The following UNC13B variants were observed in gnomAD, a reference collection of about 807,000 sequenced individuals.
UNC13B encodes the protein protein unc-13 homolog B.
Under a neutral mutation model 211.0 loss-of-function variants are expected in UNC13B, and 144 were observed. The ratio of observed to expected loss-of-function variants is 0.68; its 90% CI spans 0.60 to 0.78. The LOEUF (loss-of-function observed/expected upper bound fraction) is 0.78. UNC13B is among the 30% of genes least tolerant of loss of function. UNC13B has a pLI of 0.00. For missense variants in UNC13B, 1,777 were observed against 2,002.0 expected (o/e 0.89, Z 2.14); for synonymous variants, 709 against 725.8 (o/e 0.98, Z 0.37).
chr9:35,199,798 C>G (rs529364625), intron 1 of UNC13B, among the ~76,000 whole-genome samples: 104 of 152,148 alleles, frequency 6.8e-4, no homozygotes, highest in Middle Eastern at 3.4e-3. Flanking sequence ...GTTGCCTGTT[C>G]ACTCTGATGG....
intron 5 of UNC13B, 46 bp from the exon 6 acceptor site, chr9:35,243,245 C>T (rs1274928098): frequency 1.3e-6 from 2 of 1,574,328 alleles, no homozygotes; most frequent in Non-Finnish European, 1.7e-6. Flanking sequence ...TGATTTATTA[C>T]CTGCTGATGT....
chr9:35,381,343 A>G, intron 19 of UNC13B, 128 bp downstream of exon 19: 1 of 992,324 alleles, frequency 1.0e-6, no homozygotes. Context: ...TCACTCTGTT[A>G]CCCTGGAGAG....
At chr9:35,368,683 A>G (rs1320884085) in intron 12 of UNC13B, among the ~76,000 whole-genome samples, 3 of 150,650 alleles carry the variant, frequency 2.0e-5, no homozygotes, top group Non-Finnish European at 4.4e-5. Flanking sequence ...CCAACAGTGT[A>G]TAAGTGTTCT....
chr9:35,177,489 T>C (rs1587298241), intron 1 of UNC13B, among the ~76,000 whole-genome samples: 2 of 152,230 alleles, frequency 1.3e-5, no homozygotes, highest in Admixed American at 6.5e-5. Flanking sequence ...AATTTTAAAA[T>C]GGAAGTGTTA....
chr9:35,403,461 A>C lies in UNC13B; in HGVS notation c.12599A>C (p.Lys4200Thr). 1 of 1,613,864 alleles carries C rather than the reference A, an allele frequency of 6.2e-7. No individual in the cohort carries two copies. The highest frequency in any genetic ancestry group is 1.7e-5 in the Admixed American group (1 of 60,018). Residue 4200 changes from lysine to threonine, a missense_variant, in exon 39 of 40, where the codon AAG (lysine) becomes ACG (threonine). Lys to Thr is a moderately conservative substitution (Grantham distance 78, BLOSUM62 -1). Coordinates refer to ENST00000635942, the MANE Select transcript of UNC13B (RefSeq NM_001371189.2). The part of the protein sequence containing the change: ...TVKVVAANDL[K>T]WQTAGMFRPF... ...GCAGTGGTGGCTGCCAATGACCTCA[A>C]GTGGCAGACAGCGGGTATGTTCCGG... is the stretch of plus-strand genomic sequence containing the variant.
At chr9:35,286,389 T>C (rs962926100) in intron 7 of UNC13B, among the ~76,000 whole-genome samples, 2 of 151,904 alleles carry the variant, frequency 1.3e-5, no homozygotes, top group African/African-American at 2.4e-5. Context: ...CCTGCCACCA[T>C]GCTTGGCTAA....
chr9:35,343,210 C>G (rs1287016635), intron 11 of UNC13B, among the ~76,000 whole-genome samples: 2 of 152,210 alleles, frequency 1.3e-5, no homozygotes, highest in African/African-American at 4.8e-5. Flanking sequence ...ATAATCAGAA[C>G]AGTAACAACA....
chr9:35,165,689 T>C (rs1003916069), intron 1 of UNC13B, among the ~76,000 whole-genome samples: 1 of 152,134 alleles, frequency 6.6e-6, no homozygotes, highest in Admixed American at 6.5e-5. Context: ...AGTGCTGGGA[T>C]TACAGGCGTG....
Position 35,376,051 on chromosome 9 carries a change from C to G in UNC13B, c.9639C>G (p.Thr3213=). 6.2e-7 allele frequency: 1 copy of G among 1,614,128 alleles called. No individual in the cohort carries two copies. Among genetic ancestry groups the G allele is most frequent in the Non-Finnish European group, 8.5e-7 (1 of 1,180,024 alleles). ...AGAAATCCCACGTGTATAAGAAAAC[C>G]CTGCAGGCCTTAATCTACCCCATTT... is the stretch of plus-strand genomic sequence containing the variant. ...EELKSHVYKK[T]LQALIYPISC... The change falls in exon 15 of 40, where the codon ACC becomes ACG. Residue 3213 remains threonine (T), a synonymous_variant. Transcript: ENST00000635942.
chr9:35,224,388 G>A (rs1299818920), intron 1 of UNC13B, among the ~76,000 whole-genome samples: 1 of 152,066 alleles, frequency 6.6e-6, no homozygotes, highest in Non-Finnish European at 1.5e-5. Context: ...CCCAGGTATT[G>A]AATATTTTTT....
At chr9:35,299,830 T>C (rs1408887513) in intron 8 of UNC13B, among the ~76,000 whole-genome samples, 1 of 152,216 alleles carries the variant, frequency 6.6e-6, no homozygotes, top group Non-Finnish European at 1.5e-5. Flanking sequence ...TTCTTTGCTT[T>C]ATTGTTCCTC....
At chr9:35,384,594 G>T in intron 22 of UNC13B, 1 of 985,400 alleles carries the variant, frequency 1.0e-6, no homozygotes, top group Non-Finnish European at 1.2e-6. Context: ...TCTCATTAGG[G>T]AGTTTCCTGA....
intron 7 of UNC13B, among the ~76,000 whole-genome samples, chr9:35,274,956 C>T (rs1828089746): frequency 6.6e-6 from 1 of 152,088 alleles, no homozygotes; most frequent in African/African-American, 2.4e-5. Context: ...GTTCAGTGTC[C>T]TCTAGGTTAA....
At chr9:35,299,520 A>T (rs950455051) in intron 8 of UNC13B, among the ~76,000 whole-genome samples, 1 of 152,178 alleles carries the variant, frequency 6.6e-6, no homozygotes, top group Non-Finnish European at 1.5e-5. Context: ...TATTGGTACA[A>T]CATGTTTCAT....
chr9:35,360,828 C>T (rs1833364608), intron 11 of UNC13B: 1 of 152,156 alleles, frequency 6.6e-6, no homozygotes, highest in Admixed American at 6.5e-5. Flanking sequence ...CATATGCCAC[C>T]ACACCCAGCT....
intron 5 of UNC13B, among the ~76,000 whole-genome samples, chr9:35,240,292 T>C (rs866918682): frequency 1.3e-5 from 2 of 152,214 alleles, no homozygotes; most frequent in African/African-American, 2.4e-5. Flanking sequence ...TTATTTTAAT[T>C]TTTTACTGTT....
At chr9:35,348,222 G>A (rs1303517072) in intron 11 of UNC13B, among the ~76,000 whole-genome samples, 4 of 152,182 alleles carry the variant, frequency 2.6e-5, no homozygotes, top group African/African-American at 7.2e-5. Flanking sequence ...TAGTGTTCCC[G>A]ACAAACTGCC....
chr9:35,379,374 G>A lies in UNC13B; in HGVS notation c.10205+938G>A, dbSNP rs182023967. 4.6e-3 allele frequency among the ~76,000 whole-genome samples: 698 copies of A among 152,168 alleles called. 6 individuals carry two copies. Among genetic ancestry groups the A allele is most frequent in the Middle Eastern group, 0.044 (13 of 294 alleles). Reference sequence around the variant, plus strand: ...TGAGGGAAGAGAATCCCCTGAACCTGGGAGGCAGACGTTGCAGTGCACCAA... The same window carrying A: ...TGAGGGAAGAGAATCCCCTGAACCTAGGAGGCAGACGTTGCAGTGCACCAA... On this transcript the variant is annotated intron_variant, in intron 17 of 39. Coordinates refer to ENST00000635942, the MANE Select transcript of UNC13B (RefSeq NM_001371189.2).
chr9:35,286,331 C>A (rs1238037184), intron 7 of UNC13B, among the ~76,000 whole-genome samples: 2 of 148,966 alleles, frequency 1.3e-5, no homozygotes, highest in Non-Finnish European at 3.0e-5. Flanking sequence ...CTCCCAAGTT[C>A]AAGTGATTCT....
Sources: allele counts gnomAD v4.1 joint callset (sites outside exome capture counted in the v4.1 genomes callset), GRCh38; gene constraint gnomAD v4.1.1; transcripts MANE v1.5; gene names NCBI Gene and HGNC (gene_info 2026-07-23, HGNC 2026-07-21).